The following TRPC4 variants were observed in gnomAD, a reference collection of about 807,000 sequenced individuals.
TRPC4 encodes transient receptor potential cation channel subfamily C member 4, also known as short transient receptor potential channel 4.
TRPC4 carries 49 observed loss-of-function variants against 99.4 expected under a neutral mutation model. The ratio of observed to expected loss-of-function variants is 0.49; its 90% CI spans 0.39 to 0.63. The LOEUF (loss-of-function observed/expected upper bound fraction) is 0.63, where lower values mean the gene tolerates loss of function less well. Among genes scored for constraint, TRPC4 ranks in the 20% least tolerant of loss-of-function variants. The probability of loss-of-function intolerance (pLI) is 0.00; values close to 1 mark genes in which losing one functional copy is unlikely to be tolerated. For missense variants in TRPC4, 898 were observed against 1,152.9 expected, an observed-to-expected ratio of 0.78 and a Z score of 3.20; for synonymous variants, 454 against 425.9, an observed-to-expected ratio of 1.07 and a Z score of -0.81.
intron 1 of TRPC4, among the ~76,000 whole-genome samples, chr13:37,822,268 A>T (rs1305562984): frequency 7.2e-6 from 1 of 138,976 alleles, no homozygotes; most frequent in Non-Finnish European, 1.6e-5. Flanking sequence ...CAAATTAATC[A>T]GAATGGTTTT....
chr13:37,701,744 C>G (rs1954107441), intron 3 of TRPC4, among the ~76,000 whole-genome samples: 1 of 152,156 alleles, frequency 6.6e-6, no homozygotes, highest in South Asian at 2.1e-4. Context: ...ACTCAAACTG[C>G]AACCCAAAGA....
Position 37,693,270 on chromosome 13 carries a change from G to A in TRPC4, c.898-935C>T, listed in dbSNP as rs561786018. ...GGAACAGTTCAAGAATGCTTCCACC[G>A]GGACATATTTGTATAAGTAGAAAAA... is the stretch of plus-strand genomic sequence containing the variant. On this transcript the variant is annotated intron_variant, in intron 3 of 10. Coordinates refer to ENST00000379705, the MANE Select transcript of TRPC4 (RefSeq NM_016179.4). Among the ~76,000 whole-genome samples the A allele has an allele frequency of 1.4e-4, 22 of 152,056 alleles. No homozygotes were observed. In the East Asian group the frequency reaches 3.1e-3, roughly 21 times the overall value.
At chr13:37,778,086 C>T (rs773744402) in intron 2 of TRPC4, among the ~76,000 whole-genome samples, 25 of 152,004 alleles carry the variant, frequency 1.6e-4, no homozygotes, top group Non-Finnish European at 3.2e-4. Flanking sequence ...ATGTGTACAT[C>T]CAGAGACTTC....
At chr13:37,720,983 T>G (rs988154174) in intron 3 of TRPC4, among the ~76,000 whole-genome samples, 1 of 152,298 alleles carries the variant, frequency 6.6e-6, no homozygotes, top group Middle Eastern at 3.4e-3. Context: ...TTATGAGTAC[T>G]TGGAAGAATT....
chr13:37,745,291 G>A (rs78603832), intron 3 of TRPC4, among the ~76,000 whole-genome samples: 6,507 of 151,268 alleles, frequency 0.043, 484 homozygotes, highest in African/African-American at 0.15. Flanking sequence ...TTGGCCCTAC[G>A]GGACCCATGG....
At chr13:37,864,653 A>C (rs570917560) in intron 1 of TRPC4, among the ~76,000 whole-genome samples, 121 of 151,778 alleles carry the variant, frequency 8.0e-4, no homozygotes, top group African/African-American at 2.9e-3. Flanking sequence ...TTCTTTAAAA[A>C]GTTTACTGTC....
intron 10 of TRPC4, among the ~76,000 whole-genome samples, chr13:37,638,569 A>C (rs1951607623): frequency 6.6e-6 from 1 of 152,162 alleles, no homozygotes; most frequent in African/African-American, 2.4e-5. Flanking sequence ...TCAAGCATAT[A>C]ATATTTCACA....
At chr13:37,758,014 C>T (rs544193989) in intron 2 of TRPC4, among the ~76,000 whole-genome samples, 62 of 151,956 alleles carry the variant, frequency 4.1e-4, no homozygotes, top group African/African-American at 1.4e-3. Flanking sequence ...GACATGTGGG[C>T]CTGTATATTT....
chr13:37,705,624 T>G (rs1303684997), intron 3 of TRPC4, among the ~76,000 whole-genome samples: 1 of 152,138 alleles, frequency 6.6e-6, no homozygotes, highest in African/African-American at 2.4e-5. Flanking sequence ...TATGCATGAC[T>G]CTAGGCCTAA....
At chr13:37,746,668 T>A (rs1191938143) in intron 2 of TRPC4, among the ~76,000 whole-genome samples, 1 of 151,998 alleles carries the variant, frequency 6.6e-6, no homozygotes, top group East Asian at 1.9e-4. Flanking sequence ...ATTCTTTTTT[T>A]AATCTGAATT....
At chr13:37,719,266 T>C (rs1954784499) in intron 3 of TRPC4, among the ~76,000 whole-genome samples, 1 of 152,106 alleles carries the variant, frequency 6.6e-6, no homozygotes, top group Non-Finnish European at 1.5e-5. Context: ...GAGAATCACC[T>C]GAGTCTGGGA....
At chr13:37,863,261 A>C (rs997330646) in intron 1 of TRPC4, among the ~76,000 whole-genome samples, 1 of 151,594 alleles carries the variant, frequency 6.6e-6, no homozygotes, top group African/African-American at 2.4e-5. Context: ...ATGATCTTCC[A>C]AGTCATTCAT....
intron 1 of TRPC4, among the ~76,000 whole-genome samples, chr13:37,816,662 A>T (rs1465801553): frequency 6.6e-6 from 1 of 152,050 alleles, no homozygotes; most frequent in Non-Finnish European, 1.5e-5. Flanking sequence ...TAGCACATAA[A>T]AAAAGCTAAT....
At chr13:37,739,339 C>T (rs1955507265) in intron 3 of TRPC4, among the ~76,000 whole-genome samples, 1 of 151,954 alleles carries the variant, frequency 6.6e-6, no homozygotes. Flanking sequence ...GAAAACCAAA[C>T]TAAGGAAAAG....
chr13:37,754,118 A>G (rs1721878186), intron 2 of TRPC4, among the ~76,000 whole-genome samples: 1 of 152,124 alleles, frequency 6.6e-6, no homozygotes, highest in African/African-American at 2.4e-5. Context: ...AATATAAGTC[A>G]TTTGACCTCA....
intron 4 of TRPC4, among the ~76,000 whole-genome samples, chr13:37,688,198 C>T (rs772107634): frequency 6.6e-6 from 1 of 152,142 alleles, no homozygotes; most frequent in Non-Finnish European, 1.5e-5. Context: ...CTTTGTTGGG[C>T]GGTGAGTTCC....
rs562023936 is a variant in TRPC4, at chr13:37,819,955, A to G, written c.-27-36595T>C. 1.5e-3 allele frequency among the ~76,000 whole-genome samples: 235 copies of G among 152,164 alleles called. 1 individual carries two copies. Among genetic ancestry groups the G allele is most frequent in the Middle Eastern group, 6.8e-3 (2 of 294 alleles). On this transcript the variant is annotated intron_variant, in intron 1 of 10. Transcript: ENST00000379705. The stretch of plus-strand genomic sequence containing the variant: ...AATAAACAACCAAAATCAGAGATGA[A>G]CCAAAGGAAATTGAGATGTAAAAAA...
chr13:37,711,420 G>A (rs80114669), intron 3 of TRPC4, among the ~76,000 whole-genome samples: 5,576 of 152,016 alleles, frequency 0.037, 153 homozygotes, highest in Admixed American at 0.06. Flanking sequence ...TGTATTCAAT[G>A]TGAAGTAATT....
chr13:37,674,066 A>G (rs185906138), intron 5 of TRPC4, among the ~76,000 whole-genome samples, 162 bp downstream of exon 5: 45 of 152,236 alleles, frequency 3.0e-4, no homozygotes, highest in Non-Finnish European at 5.1e-4. Flanking sequence ...GCATTTATTT[A>G]TGTATTTTTA....
Sources: gnomAD v4.1 joint callset for allele counts (sites outside exome capture counted in the v4.1 genomes callset) on GRCh38, gnomAD v4.1.1 for gene constraint, MANE v1.5 for transcripts, NCBI Gene and HGNC (gene_info 2026-07-23, HGNC 2026-07-21) for gene names.